Variants in EBF2 observed in about 807,000 individuals in gnomAD.
EBF2 encodes the protein transcription factor COE2.
In EBF2, 21 loss-of-function variants were observed where a neutral mutation model predicts 72.8. The ratio of observed to expected loss-of-function variants is 0.29; its 90% CI spans 0.20 to 0.42. The LOEUF (loss-of-function observed/expected upper bound fraction) is 0.42, where lower values mean the gene tolerates loss of function less well. Among genes scored for constraint, EBF2 ranks in the 10% least tolerant of loss-of-function variants. EBF2 has a pLI of 1.00. For synonymous variants in EBF2, 299 were observed against 274.2 expected (o/e 1.09, Z -0.89); for missense variants, 637 against 731.2 (o/e 0.87, Z 1.49).
intron 6 of EBF2, among the ~76,000 whole-genome samples, chr8:25,995,002 T>A (rs1967058): frequency 0.78 from 119,100 of 152,124 alleles, 47,386 homozygotes; most frequent in African/African-American, 0.92. Flanking sequence ...GAAAAAAAAA[T>A]TTTTTTTAAA....
intron 7 of EBF2, among the ~76,000 whole-genome samples, chr8:25,904,917 A>G (rs1803011096): frequency 6.6e-6 from 1 of 152,178 alleles, no homozygotes. Context: ...AACTCATGGA[A>G]TAGGAGAAAA....
At chr8:25,909,454 C>A (rs1361736039) in intron 6 of EBF2, among the ~76,000 whole-genome samples, 3 of 151,530 alleles carry the variant, frequency 2.0e-5, no homozygotes, top group Non-Finnish European at 4.4e-5. Context: ...CCCAGGTGAG[C>A]TAGGCCTATT....
At chr8:26,000,962 G>A (rs1168642519) in intron 6 of EBF2, among the ~76,000 whole-genome samples, 3 of 152,258 alleles carry the variant, frequency 2.0e-5, no homozygotes, top group East Asian at 1.9e-4. Flanking sequence ...GTGGAGGTTG[G>A]CGCAAAAATC....
intron 6 of EBF2, among the ~76,000 whole-genome samples, chr8:25,979,675 A>T (rs1804327392): frequency 6.6e-6 from 1 of 152,112 alleles, no homozygotes; most frequent in Non-Finnish European, 1.5e-5. Flanking sequence ...TTTTTAAACA[A>T]ATGAAAGCTC....
chr8:25,858,216 C>T (rs1327609714), intron 14 of EBF2, 103 bp downstream of exon 14: 2 of 1,416,886 alleles, frequency 1.4e-6, no homozygotes, highest in Admixed American at 3.6e-5. Flanking sequence ...TGCTCCCCGA[C>T]AACTTAGGAA....
chr8:25,851,845 A>G (rs978338941), intron 14 of EBF2, among the ~76,000 whole-genome samples: 6 of 152,328 alleles, frequency 3.9e-5, no homozygotes, highest in African/African-American at 1.4e-4. Flanking sequence ...ACCAAGTACA[A>G]GGTGAACTGA....
chr8:25,928,026 G>A (rs927952137), intron 6 of EBF2, among the ~76,000 whole-genome samples: 2 of 152,056 alleles, frequency 1.3e-5, no homozygotes, highest in African/African-American at 4.8e-5. Flanking sequence ...TAAGGAACAC[G>A]GCTTGTCTCC....
chr8:25,861,164 G>A lies in EBF2; in HGVS notation c.1227C>T (p.Pro409=). The change falls in exon 13 of 16, where the codon CCC becomes CCT. Residue 409 remains proline, a synonymous_variant. Transcript: ENST00000520164. ...AGCTAGAGAGGGCTGGAAGCTGGCT[G>A]GGATTCCTGGGGACGCTGTAGAGAG... is the stretch of plus-strand genomic sequence containing the variant. ...AEALYSVPRN[P]SQLPALSSSP... 6.2e-7 allele frequency: 1 copy of A among 1,614,110 alleles called. No individual in the cohort carries two copies. Among genetic ancestry groups the A allele is most frequent in the South Asian group, 1.1e-5 (1 of 91,072 alleles).
At chr8:25,845,041 C>T (rs1303293002) in intron 15 of EBF2, among the ~76,000 whole-genome samples, 1 of 152,112 alleles carries the variant, frequency 6.6e-6, no homozygotes, top group Non-Finnish European at 1.5e-5. Context: ...AAGGAAATTC[C>T]AGGTGCTGAG....
At position 25,908,459 on chromosome 8, in the gene EBF2, T is replaced by G. The variant is rs1208121379; in HGVS notation, c.633+15A>C. 1.9e-6 allele frequency: 3 copies of G among 1,589,958 alleles called. No homozygotes were observed. Among genetic ancestry groups the G allele is most frequent in the Admixed American group, 1.7e-5 (1 of 58,502 alleles). On this transcript the variant is annotated intron_variant, in intron 7 of 15. Coordinates refer to ENST00000520164, the MANE Select transcript of EBF2 (RefSeq NM_022659.4). ...GATGACTTATTTAACAGGAAAGATC[T>G]GCAGGGCCCCTTACCTGAAACCGTC...
chr8:25,848,842 C>T (rs936901946), intron 15 of EBF2, among the ~76,000 whole-genome samples: 17 of 152,134 alleles, frequency 1.1e-4, no homozygotes, highest in African/African-American at 3.9e-4. Flanking sequence ...GCTGGGCCTC[C>T]ACTCGGGTTA....
At chr8:26,039,578 A>G (rs1314083118) in intron 5 of EBF2, among the ~76,000 whole-genome samples, 1 of 152,192 alleles carries the variant, frequency 6.6e-6, no homozygotes, top group Non-Finnish European at 1.5e-5. Context: ...CACCCCGGAA[A>G]TGAGCCGCTG....
At chr8:26,007,637 C>T (rs1156401201) in intron 6 of EBF2, among the ~76,000 whole-genome samples, 1 of 152,148 alleles carries the variant, frequency 6.6e-6, no homozygotes, top group East Asian at 1.9e-4. Context: ...TAACACTCAT[C>T]ACCCCTGCAT....
At chr8:25,941,376 T>G (rs1803666695) in intron 6 of EBF2, among the ~76,000 whole-genome samples, 1 of 152,108 alleles carries the variant, frequency 6.6e-6, no homozygotes. Context: ...TGGCTAATTT[T>G]TGTATTTTTA....
At chr8:25,978,517 G>A (rs1198175026) in intron 6 of EBF2, among the ~76,000 whole-genome samples, 1 of 152,174 alleles carries the variant, frequency 6.6e-6, no homozygotes, top group Non-Finnish European at 1.5e-5. Flanking sequence ...ATGGCGATGA[G>A]GGGCATCGCA....
chr8:26,043,580 G>C (rs1418460694), intron 1 of EBF2, among the ~76,000 whole-genome samples: 1 of 152,218 alleles, frequency 6.6e-6, no homozygotes, highest in African/African-American at 2.4e-5. Flanking sequence ...CGCTCCCCGG[G>C]CCACAGGAGG....
At chr8:25,985,945 T>G (rs1804443850) in intron 6 of EBF2, among the ~76,000 whole-genome samples, 1 of 124,592 alleles carries the variant, frequency 8.0e-6, no homozygotes, top group African/African-American at 3.1e-5. Context: ...GAGGCCGCAG[T>G]AAGTTGTGAT....
intron 1 of EBF2, among the ~76,000 whole-genome samples, chr8:26,042,549 C>G (rs1449738054): frequency 6.6e-6 from 1 of 151,738 alleles, no homozygotes; most frequent in Non-Finnish European, 1.5e-5. Context: ...CCGAAAGACC[C>G]CGGCTGCAGA....
intron 2 of EBF2, 24 bp downstream of exon 2, chr8:26,042,071 G>C: frequency 6.2e-7 from 1 of 1,610,818 alleles, no homozygotes; most frequent in Non-Finnish European, 8.5e-7. Flanking sequence ...AGGCCGCGGG[G>C]TTTGGGGGGT....
Sources: allele counts gnomAD v4.1 joint callset (sites outside exome capture counted in the v4.1 genomes callset), GRCh38; gene constraint gnomAD v4.1.1; transcripts MANE v1.5; gene names NCBI Gene and HGNC (gene_info 2026-07-23, HGNC 2026-07-21).